The following PVALB variants were observed in gnomAD, a reference collection of about 807,000 sequenced individuals.
The protein encoded by PVALB is parvalbumin alpha.
In PVALB, 11 loss-of-function variants were observed where a neutral mutation model predicts 10.9. The ratio of observed to expected loss-of-function variants is 1.01; its 90% confidence interval spans 0.63 to 1.67. The LOEUF is 1.67. Ranked by LOEUF, PVALB falls within the 40% of genes most tolerant of loss-of-function variation. PVALB has a pLI of 0.00. For missense variants in PVALB, 131 were observed against 136.2 expected (o/e 0.96, Z 0.19); for synonymous variants, 57 against 50.7 (o/e 1.12, Z -0.53).
chr22:36,816,832 A>C lies in PVALB; in HGVS notation c.61+113T>G, dbSNP rs1056524860. ...CCGACCTCGCCGGCGCCCAGCGGGA[A>C]GTGTGGGCAGAAGCGCGCTGGGGAG... On this transcript the variant is annotated intron_variant, in intron 1 of 3. Transcript: ENST00000417718. The C allele has an allele frequency of 1.7e-5, 15 of 857,870 alleles. No individual in the cohort carries two copies. The East Asian group carries it at 3.2e-4, about 18-fold the overall frequency. The allele number at this position is 857,870 out of a possible 1,614,324, so 53.1% of individuals were successfully genotyped here.
Position 36,816,878 on chromosome 22 carries a change from G to C in PVALB, c.61+67C>G, listed in dbSNP as rs533768366. 3.6e-6 allele frequency: 5 copies of C among 1,381,060 alleles called. No homozygotes were observed. In the South Asian group the frequency reaches 3.8e-5, roughly 10 times the overall value. The allele number at this position is 1,381,060 out of a possible 1,614,324, so 85.6% of individuals were successfully genotyped here. The stretch of plus-strand genomic sequence containing the variant: ...GGGAGGATCCGCCGGCTGCGGGGCC[G>C]GCGGAGTGCAGGGGCGCGGGCGGTG... On this transcript the variant is annotated intron_variant, in intron 1 of 3. Coordinates refer to ENST00000417718, the MANE Select transcript of PVALB (RefSeq NM_001315532.2).
chr22:36,807,553 G>A (rs1414477376), intron 3 of PVALB, among the ~76,000 whole-genome samples: 2 of 152,156 alleles, frequency 1.3e-5, no homozygotes, highest in Non-Finnish European at 2.9e-5. Flanking sequence ...CTTTTAAAAG[G>A]TTTTGGGTGG....
intron 3 of PVALB, among the ~76,000 whole-genome samples, chr22:36,811,290 A>AATAAATAC (rs1474225197): frequency 6.7e-6 from 1 of 150,264 alleles, no homozygotes; most frequent in Admixed American, 6.6e-5. Flanking sequence ...TAAATAAATA[A>AATAAATAC]ATAAATAAAT....
intron 3 of PVALB, chr22:36,811,487 C>G: frequency 2.1e-6 from 1 of 466,582 alleles, no homozygotes. Context: ...CTTCCATTGC[C>G]GGGCACAGAG....
intron 3 of PVALB, among the ~76,000 whole-genome samples, chr22:36,802,723 C>T (rs1938888855): frequency 6.6e-6 from 1 of 151,946 alleles, no homozygotes; most frequent in South Asian, 2.1e-4. Flanking sequence ...AGACATCATC[C>T]TTTCCTGTCC....
intron 1 of PVALB, 80 bp downstream of exon 1, chr22:36,816,865 C>G: frequency 7.7e-7 from 1 of 1,292,306 alleles, no homozygotes; most frequent in Admixed American, 2.4e-5. Flanking sequence ...GAGGATCCGC[C>G]GGCTGCGGGG....
At chr22:36,814,964 C>T (rs2145954245) in intron 2 of PVALB, 139 bp downstream of exon 2, 4 of 1,176,564 alleles carry the variant, frequency 3.4e-6, no homozygotes, top group East Asian at 2.6e-5. Context: ...GGTCGGAGCC[C>T]TGCCTTCACG....
intron 3 of PVALB, among the ~76,000 whole-genome samples, chr22:36,809,489 G>A (rs1027295013): frequency 1.3e-5 from 2 of 152,174 alleles, no homozygotes; most frequent in South Asian, 2.1e-4. Context: ...CACAGGTCAC[G>A]TGCTTCGGAG....
At chr22:36,819,153 G>A (rs1045360342), upstream of PVALB, among the ~76,000 whole-genome samples, 4 of 152,148 alleles carry the variant, frequency 2.6e-5, no homozygotes, top group African/African-American at 9.7e-5. Flanking sequence ...GTCCACAGAT[G>A]TCTGACTCCA....
intron 3 of PVALB, among the ~76,000 whole-genome samples, chr22:36,806,438 G>A (rs993561985): frequency 6.6e-6 from 1 of 152,132 alleles, no homozygotes; most frequent in African/African-American, 2.4e-5. Context: ...CGCGGGGATT[G>A]GACAAATTTA....
At chr22:36,805,061 G>A (rs1235553733) in intron 3 of PVALB, among the ~76,000 whole-genome samples, 1 of 152,240 alleles carries the variant, frequency 6.6e-6, no homozygotes, top group Non-Finnish European at 1.5e-5. Flanking sequence ...TCGGGTTCTA[G>A]TCTTGGCTTT....
At chr22:36,814,210 A>G (rs1939094493) in intron 2 of PVALB, among the ~76,000 whole-genome samples, 1 of 151,162 alleles carries the variant, frequency 6.6e-6, no homozygotes, top group African/African-American at 2.4e-5. Context: ...AGGGGAGGAG[A>G]GGGGAGGCTT....
In PVALB at chr22:36,815,142, T is replaced by C; in HGVS notation, c.155A>G (p.Asp52Gly). 1 of 1,614,178 alleles carries C rather than the reference T, an allele frequency of 6.2e-7. No individual in the cohort carries two copies. The highest frequency in any genetic ancestry group is 8.5e-7 in the Non-Finnish European group (1 of 1,180,028). The change falls in exon 2 of 4, where the codon GAC (aspartate) becomes GGC (glycine). Residue 52 changes from aspartate (D) to glycine (G), a missense_variant. Physicochemically the swap from Asp to Gly is moderately conservative, Grantham distance 94 (BLOSUM62 -1). Transcript: ENST00000417718. Reference sequence around the variant, plus strand: ...CTCGATGAAGCCACTTTTGTCCTTGTCCAGCATGTGAAACACCTTCTTCAC... The same window carrying C: ...CTCGATGAAGCCACTTTTGTCCTTGCCCAGCATGTGAAACACCTTCTTCAC... ...DDVKKVFHML[D>G]KDKSGFIEED...
chr22:36,812,006 CAG>C (rs1274700025), intron 3 of PVALB, among the ~76,000 whole-genome samples: 2 of 152,106 alleles, frequency 1.3e-5, no homozygotes, highest in Admixed American at 6.5e-5. Flanking sequence ...AACAAACAAA[CAG>C]AAAAGAAATC....
intron 3 of PVALB, among the ~76,000 whole-genome samples, chr22:36,807,742 GCTTT>G (rs1938975864): frequency 6.6e-6 from 1 of 152,098 alleles, no homozygotes; most frequent in South Asian, 2.1e-4. Flanking sequence ...CCAGCATTTG[GCTTT>G]CTAATTTCTG....
intron 3 of PVALB, among the ~76,000 whole-genome samples, chr22:36,804,088 C>T (rs1008795815): frequency 6.6e-6 from 1 of 152,240 alleles, no homozygotes; most frequent in Non-Finnish European, 1.5e-5. Flanking sequence ...CTGTCCATCA[C>T]CGCCTGCTCA....
intron 3 of PVALB, among the ~76,000 whole-genome samples, chr22:36,810,163 A>T (rs903519459): frequency 2.0e-5 from 3 of 152,182 alleles, no homozygotes; most frequent in African/African-American, 4.8e-5. Context: ...GATTACAGGC[A>T]TGAGCCACTG....
At chr22:36,815,703 A>T (rs1939128383) in intron 1 of PVALB, among the ~76,000 whole-genome samples, 1 of 152,134 alleles carries the variant, frequency 6.6e-6, no homozygotes, top group South Asian at 2.1e-4. Flanking sequence ...GAAAATTGAC[A>T]TAGAAAGGAC....
At chr22:36,814,250 G>A (rs113201224) in intron 2 of PVALB, among the ~76,000 whole-genome samples, 3,214 of 148,108 alleles carry the variant, frequency 0.022, 97 homozygotes, top group African/African-American at 0.063. Context: ...GGAGGACAGG[G>A]GGAAGTCAGC....
Sources: gnomAD v4.1 joint callset for allele counts (sites outside exome capture counted in the v4.1 genomes callset) on GRCh38, gnomAD v4.1.1 for gene constraint, MANE v1.5 for transcripts, NCBI Gene and HGNC (gene_info 2026-07-23, HGNC 2026-07-21) for gene names.